Variants in AP2B1 observed in about 807,000 individuals in gnomAD.
The protein encoded by AP2B1 is AP-2 complex subunit beta.
AP2B1 carries 23 observed loss-of-function variants against 102.0 expected under a neutral mutation model. The observed-to-expected ratio is 0.23, with a 90% CI of 0.16 to 0.32. The LOEUF is 0.32. Among genes scored for constraint, AP2B1 ranks in the 10% least tolerant of loss-of-function variants. AP2B1 has a pLI of 1.00. For synonymous variants in AP2B1, 381 were observed against 421.2 expected (o/e 0.90, Z 1.17); for missense variants, 541 against 1,157.4 (o/e 0.47, Z 7.73).
At chr17:35,617,497 A>T (rs777578189) in intron 5 of AP2B1, among the ~76,000 whole-genome samples, 1 of 152,194 alleles carries the variant, frequency 6.6e-6, no homozygotes, top group African/African-American at 2.4e-5. Flanking sequence ...AACTTTTAGG[A>T]TGAAGAATTT....
intron 5 of AP2B1, among the ~76,000 whole-genome samples, chr17:35,609,723 C>T (rs1173664670): frequency 6.6e-6 from 1 of 152,176 alleles, no homozygotes. Flanking sequence ...AATCCTCCCA[C>T]CTTGGCCTTC....
At chr17:35,679,578 T>G (rs2075774020) in intron 17 of AP2B1, among the ~76,000 whole-genome samples, 1 of 43,464 alleles carries the variant, frequency 2.3e-5, no homozygotes, top group Admixed American at 1.7e-4. Flanking sequence ...TTCTGTGGAC[T>G]TTCTTTGACA....
chr17:35,620,317 A>G (rs2074137650), intron 5 of AP2B1, among the ~76,000 whole-genome samples: 1 of 151,318 alleles, frequency 6.6e-6, no homozygotes, highest in Non-Finnish European at 1.5e-5. Context: ...CCCTGTCTCT[A>G]CCAAAAAAAA....
chr17:35,621,124 TA>T (rs1303160096), intron 5 of AP2B1, among the ~76,000 whole-genome samples: 2 of 152,318 alleles, frequency 1.3e-5, no homozygotes, highest in Admixed American at 6.5e-5. Context: ...TTCAATCTAT[TA>T]TTTTAAAAGT....
chr17:35,605,582 A>G, intron 3 of AP2B1, 123 bp from the exon 4 acceptor site: 1 of 733,022 alleles, frequency 1.4e-6, no homozygotes, highest in South Asian at 1.8e-5. Flanking sequence ...TGTGACAGTT[A>G]CCACTGTGGG....
At chr17:35,704,490 A>G (rs1430143106) in intron 18 of AP2B1, among the ~76,000 whole-genome samples, 2 of 152,212 alleles carry the variant, frequency 1.3e-5, no homozygotes, top group East Asian at 1.9e-4. Context: ...TCATGCAACA[A>G]ATATTTTTTG....
chr17:35,678,168 G>T (rs2075742485), intron 17 of AP2B1, among the ~76,000 whole-genome samples: 1 of 151,950 alleles, frequency 6.6e-6, no homozygotes, highest in African/African-American at 2.4e-5. Flanking sequence ...GCAGTAAATA[G>T]TATTTTTAAT....
At chr17:35,625,823 G>A (rs951857231) in intron 6 of AP2B1, among the ~76,000 whole-genome samples, 7 of 151,992 alleles carry the variant, frequency 4.6e-5, no homozygotes, top group African/African-American at 1.2e-4. Flanking sequence ...CTGAGAAGGT[G>A]GCATTCATAT....
At chr17:35,626,988 C>G in intron 7 of AP2B1, 146 bp downstream of exon 7, 1 of 751,824 alleles carries the variant, frequency 1.3e-6, no homozygotes, top group South Asian at 1.8e-5. Flanking sequence ...TTGCCTAGCA[C>G]CAGGAGGCTA....
In AP2B1 at chr17:35,598,505, TTTTG is replaced by T. The variant is rs376705019; in HGVS notation, c.143+185_143+188del. On this transcript the variant is annotated intron_variant, in intron 3 of 21. Coordinates refer to ENST00000610402, the MANE Select transcript of AP2B1 (RefSeq NM_001030006.2). ...GTTGCCTTTGTATTAATGCTCTACT[TTTTG>T]TTTGTTTGTTTGTTATGGGGTGTGT... Among the ~76,000 whole-genome samples, 142 of 152,280 alleles carry T rather than the reference TTTTG, an allele frequency of 9.3e-4. 2 individuals are homozygous for T. In the East Asian group the frequency reaches 0.022, roughly 23 times the overall value.
At chr17:35,656,747 CG>C (rs1567917177) in intron 13 of AP2B1, among the ~76,000 whole-genome samples, 1 of 151,926 alleles carries the variant, frequency 6.6e-6, no homozygotes, top group Non-Finnish European at 1.5e-5. Context: ...TAGCCGGGCA[CG>C]GTGGTGGGCG....
chr17:35,679,927 CTTTT>C (rs34182919), intron 17 of AP2B1, among the ~76,000 whole-genome samples: 6 of 136,772 alleles, frequency 4.4e-5, no homozygotes, highest in Admixed American at 7.3e-5. Flanking sequence ...TGTGTAAACT[CTTTT>C]TTTTTTTTTT....
At chr17:35,620,562 C>T (rs2074146507) in intron 5 of AP2B1, among the ~76,000 whole-genome samples, 1 of 152,096 alleles carries the variant, frequency 6.6e-6, no homozygotes, top group Admixed American at 6.6e-5. Flanking sequence ...CATCTGTAAT[C>T]CCAGCACTTT....
chr17:35,691,455 A>G (rs2142998501), intron 18 of AP2B1, among the ~76,000 whole-genome samples: 1 of 152,364 alleles, frequency 6.6e-6, no homozygotes, highest in African/African-American at 2.4e-5. Context: ...CAGCGCTCCC[A>G]TCAAATGAAG....
chr17:35,623,035 C>G (rs2074224882), intron 5 of AP2B1, among the ~76,000 whole-genome samples: 1 of 151,856 alleles, frequency 6.6e-6, no homozygotes, highest in Non-Finnish European at 1.5e-5. Flanking sequence ...GGGAACCTCA[C>G]TGCAAAACAT....
At chr17:35,606,240 T>TG (rs1405925201) in intron 4 of AP2B1, among the ~76,000 whole-genome samples, 1 of 150,644 alleles carries the variant, frequency 6.6e-6, no homozygotes, top group African/African-American at 2.5e-5. Context: ...ATCATTTGAT[T>TG]AATTTTTTTT....
At chr17:35,608,520 C>T in intron 5 of AP2B1, 133 bp downstream of exon 5, 1 of 1,109,404 alleles carries the variant, frequency 9.0e-7, no homozygotes, top group Non-Finnish European at 1.3e-6. Flanking sequence ...TTGTGTGTCT[C>T]ACAGATTGTA....
chr17:35,708,612 A>G (rs1164275530), intron 18 of AP2B1, among the ~76,000 whole-genome samples: 5 of 152,196 alleles, frequency 3.3e-5, no homozygotes, highest in Non-Finnish European at 2.9e-5. Context: ...TTTTCCAACC[A>G]TAAGACCTGG....
intron 12 of AP2B1, among the ~76,000 whole-genome samples, chr17:35,647,163 A>T (rs2074956953): frequency 6.6e-6 from 1 of 152,234 alleles, no homozygotes; most frequent in Non-Finnish European, 1.5e-5. Flanking sequence ...TAAGGACTGC[A>T]TATATAGGTT....
Sources: gnomAD v4.1 joint callset for allele counts (sites outside exome capture counted in the v4.1 genomes callset) on GRCh38, gnomAD v4.1.1 for gene constraint, MANE v1.5 for transcripts, NCBI Gene and HGNC (gene_info 2026-07-23, HGNC 2026-07-21) for gene names.